The following CADM2 variants were observed in gnomAD, a reference collection of about 807,000 sequenced individuals.
CADM2 encodes the protein immunoglobulin superfamily member 4D.
A neutral mutation model predicts 49.8 loss-of-function variants in CADM2; 12 were observed. That is an observed-to-expected ratio of 0.24 (90% CI 0.15 to 0.39). The LOEUF (loss-of-function observed/expected upper bound fraction) is 0.39. Ranked by LOEUF, CADM2 falls within the 10% of genes least tolerant of loss-of-function variation. The probability of loss-of-function intolerance (pLI) is 1.00; values close to 1 mark genes in which losing one functional copy is unlikely to be tolerated. For synonymous variants in CADM2, 214 were observed against 175.4 expected, an observed-to-expected ratio of 1.22 and a Z score of -1.74; for missense variants, 378 against 492.3, an observed-to-expected ratio of 0.77 and a Z score of 2.20.
intron 9 of CADM2, among the ~76,000 whole-genome samples, chr3:86,066,124 T>C (rs1368350442): frequency 6.6e-6 from 1 of 151,820 alleles, no homozygotes; most frequent in Non-Finnish European, 1.5e-5. Flanking sequence ...AGGTACCACT[T>C]TATTGCTGTA....
chr3:86,060,295 G>C (rs1389033780), intron 8 of CADM2, among the ~76,000 whole-genome samples: 1 of 151,432 alleles, frequency 6.6e-6, no homozygotes, highest in Admixed American at 6.6e-5. Context: ...GAAGGTTACA[G>C]GCAAAAAAAA....
chr3:85,781,742 C>T (rs2070662203), intron 2 of CADM2, among the ~76,000 whole-genome samples: 1 of 152,176 alleles, frequency 6.6e-6, no homozygotes, highest in African/African-American at 2.4e-5. Context: ...GCCTCTGTCT[C>T]AGGGCCATGT....
intron 1 of CADM2, among the ~76,000 whole-genome samples, chr3:85,281,220 A>G (rs1298959865): frequency 6.6e-6 from 1 of 151,904 alleles, no homozygotes; most frequent in Non-Finnish European, 1.5e-5. Flanking sequence ...TAATTAGCAA[A>G]ATAATGGAGA....
At chr3:85,240,754 A>C (rs148012281) in intron 1 of CADM2, among the ~76,000 whole-genome samples, 1 of 151,696 alleles carries the variant, frequency 6.6e-6, no homozygotes, top group East Asian at 1.9e-4. Context: ...TAAGACACCT[A>C]AAGATGAGCA....
chr3:85,023,974 TTTCATA>T (rs1282341848), intron 1 of CADM2, among the ~76,000 whole-genome samples: 1 of 152,074 alleles, frequency 6.6e-6, no homozygotes, highest in East Asian at 1.9e-4. Flanking sequence ...TTCCAGAAGT[TTTCATA>T]TCAAAAATAA....
At chr3:85,460,489 A>G (rs2038195176) in intron 1 of CADM2, among the ~76,000 whole-genome samples, 1 of 152,190 alleles carries the variant, frequency 6.6e-6, no homozygotes, top group Admixed American at 6.5e-5. Context: ...CTGAAGTTTT[A>G]GAATGCAGGG....
Position 86,049,630 on chromosome 3 carries a change from G to A in CADM2, c.971-15975G>A, listed in dbSNP as rs923904890. Among the ~76,000 whole-genome samples, 5 of 152,092 alleles carry A rather than the reference G, an allele frequency of 3.3e-5. No individual in the cohort carries two copies. In the South Asian group the frequency reaches 8.3e-4, roughly 25 times the overall value. On this transcript the variant is annotated intron_variant, in intron 8 of 9. Coordinates refer to ENST00000383699, the MANE Select transcript of CADM2 (RefSeq NM_001167675.2). ...GTTCCATGGGCTGTACGAGAAATGCGATGCTGCCATCTGCTCAGCTTCTGG... is the reference window on the plus strand; with the variant it reads ...GTTCCATGGGCTGTACGAGAAATGCAATGCTGCCATCTGCTCAGCTTCTGG...
intron 8 of CADM2, chr3:86,014,972 G>T: frequency 7.6e-7 from 1 of 1,315,506 alleles, no homozygotes; most frequent in South Asian, 1.2e-5. Flanking sequence ...GGAACACTTT[G>T]ACAGACCAAA....
At chr3:85,309,658 C>A (rs1559772032) in intron 1 of CADM2, among the ~76,000 whole-genome samples, 1 of 152,142 alleles carries the variant, frequency 6.6e-6, no homozygotes, top group Non-Finnish European at 1.5e-5. Flanking sequence ...TTAATACCCA[C>A]TAGAAGTTTC....
At chr3:85,766,337 T>C (rs955076199) in intron 2 of CADM2, among the ~76,000 whole-genome samples, 21 of 152,150 alleles carry the variant, frequency 1.4e-4, no homozygotes, top group Non-Finnish European at 2.6e-4. Flanking sequence ...TCTCTATTAA[T>C]AGTTATGTCA....
At chr3:85,218,049 CTTATG>C (rs1334200198) in intron 1 of CADM2, among the ~76,000 whole-genome samples, 2 of 151,740 alleles carry the variant, frequency 1.3e-5, no homozygotes, top group African/African-American at 2.4e-5. Flanking sequence ...TAATCAATTA[CTTATG>C]TTATGCAGTT....
intron 1 of CADM2, among the ~76,000 whole-genome samples, chr3:85,241,153 G>C (rs1016290702): frequency 6.6e-6 from 1 of 151,378 alleles, no homozygotes; most frequent in African/African-American, 2.4e-5. Context: ...ACCTACTCCC[G>C]AGATTGACAG....
At chr3:85,189,420 C>G (rs2041149283) in intron 1 of CADM2, among the ~76,000 whole-genome samples, 1 of 151,846 alleles carries the variant, frequency 6.6e-6, no homozygotes, top group African/African-American at 2.4e-5. Context: ...GGATTTGAGG[C>G]AATTATGTAG....
rs528762130 is a variant in CADM2, at chr3:86,063,656, CT to C, written c.971-1941del. On this transcript the variant is annotated intron_variant, in intron 8 of 9. Transcript: ENST00000383699. Reference sequence around the variant, plus strand: ...TTGTTTGAAGTTTCAAACAGTCAGACTTTTTTTTCTATCTAGACATATGATC... The same window carrying C: ...TTGTTTGAAGTTTCAAACAGTCAGACTTTTTTTCTATCTAGACATATGATC... Among the ~76,000 whole-genome samples the C allele has an allele frequency of 5.5e-4, 83 of 152,044 alleles. No individual in the cohort carries two copies. In the East Asian group the frequency reaches 7.1e-3, roughly 13 times the overall value.
chr3:85,688,993 T>C (rs1403902503), intron 1 of CADM2, among the ~76,000 whole-genome samples: 1 of 152,216 alleles, frequency 6.6e-6, no homozygotes, highest in African/African-American at 2.4e-5. Flanking sequence ...TGAATGTTCA[T>C]AGCACCTTTA....
At chr3:85,661,650 T>C (rs991884939) in intron 1 of CADM2, among the ~76,000 whole-genome samples, 9 of 152,004 alleles carry the variant, frequency 5.9e-5, no homozygotes, top group Non-Finnish European at 1.3e-4. Flanking sequence ...ATCTCAACTT[T>C]ATATAAAGGG....
intron 8 of CADM2, among the ~76,000 whole-genome samples, chr3:86,024,338 A>T (rs1409455336): frequency 2.0e-5 from 3 of 152,184 alleles, no homozygotes; most frequent in Non-Finnish European, 4.4e-5. Flanking sequence ...ATAATTTTTT[A>T]CTTGTTCTCA....
chr3:85,640,349 C>A (rs988431379), intron 1 of CADM2, among the ~76,000 whole-genome samples: 1 of 152,128 alleles, frequency 6.6e-6, no homozygotes, highest in African/African-American at 2.4e-5. Flanking sequence ...TGATTCCAGG[C>A]ATAGAATCAC....
chr3:86,025,215 C>T (rs1238104673), intron 8 of CADM2, among the ~76,000 whole-genome samples: 1 of 152,018 alleles, frequency 6.6e-6, no homozygotes, highest in Admixed American at 6.6e-5. Flanking sequence ...GCCACCACGC[C>T]AGCCTAATTT....
Sources: allele counts gnomAD v4.1 joint callset (sites outside exome capture counted in the v4.1 genomes callset), GRCh38; gene constraint gnomAD v4.1.1; transcripts MANE v1.5; gene names NCBI Gene and HGNC (gene_info 2026-07-23, HGNC 2026-07-21).